LCLAT1: variants seen among roughly 807,000 people sequenced by gnomAD.
The protein encoded by LCLAT1 is 1-AGP acyltransferase 8.
A neutral mutation model predicts 30.7 loss-of-function variants in LCLAT1; 11 were observed. The ratio of observed to expected loss-of-function variants is 0.36; its 90% CI spans 0.23 to 0.59. LCLAT1 has a LOEUF of 0.59. Among genes scored for constraint, LCLAT1 ranks in the 20% least tolerant of loss-of-function variants. The pLI, the probability that LCLAT1 is intolerant of heterozygous loss-of-function variation, is 0.77. For synonymous variants in LCLAT1, 155 were observed against 151.3 expected (o/e 1.02, Z -0.18); for missense variants, 402 against 458.6 (o/e 0.88, Z 1.13).
rs1032159417 is a variant in LCLAT1, at chr2:30,461,928, G to A, written c.-5+14545G>A. ...TGGGACTACAGGCGCCCGCCACCAC[G>A]CCCGGCTAATTTTTTTGTGTTTTTT... On this transcript the variant is annotated intron_variant, in intron 1 of 5. Transcript: ENST00000379509. Among the ~76,000 whole-genome samples the A allele has an allele frequency of 4.0e-5, 6 of 151,062 alleles. No individual in the cohort carries two copies. In the East Asian group the frequency reaches 5.8e-4, roughly 15 times the overall value.
chr2:30,461,032 A>G (rs1682094987), intron 1 of LCLAT1, among the ~76,000 whole-genome samples: 1 of 152,180 alleles, frequency 6.6e-6, no homozygotes, highest in Non-Finnish European at 1.5e-5. Context: ...TGTAGCCTTT[A>G]TAATGAAACT....
intron 1 of LCLAT1, among the ~76,000 whole-genome samples, chr2:30,449,028 C>T (rs1017997117): frequency 1.3e-5 from 2 of 152,028 alleles, no homozygotes; most frequent in Non-Finnish European, 2.9e-5. Context: ...TTATATGTGC[C>T]AACTCAGTCA....
chr2:30,493,677 A>G (rs2148330778), intron 1 of LCLAT1, among the ~76,000 whole-genome samples: 1 of 152,326 alleles, frequency 6.6e-6, no homozygotes, highest in South Asian at 2.1e-4. Flanking sequence ...TTACTGCCAC[A>G]TTCTCTCCCT....
At chr2:30,582,267 T>G (rs1388729923) in intron 5 of LCLAT1, among the ~76,000 whole-genome samples, 3 of 151,892 alleles carry the variant, frequency 2.0e-5, no homozygotes, top group Non-Finnish European at 4.4e-5. Flanking sequence ...ATGAATATAT[T>G]AATGAATGTA....
intron 1 of LCLAT1, among the ~76,000 whole-genome samples, chr2:30,523,930 CTGTTTTGTTG>C (rs1558495451): frequency 6.6e-6 from 1 of 152,106 alleles, no homozygotes; most frequent in African/African-American, 2.4e-5. Flanking sequence ...GGGATTTGAC[CTGTTTTGTTG>C]TTTGTCTGTC....
intron 1 of LCLAT1, among the ~76,000 whole-genome samples, chr2:30,464,058 C>G (rs1380829219): frequency 1.3e-5 from 2 of 152,142 alleles, no homozygotes; most frequent in African/African-American, 2.4e-5. Flanking sequence ...TAAAAGGGCT[C>G]TATCAGTTGA....
At chr2:30,455,691 T>A (rs1375888993) in intron 1 of LCLAT1, among the ~76,000 whole-genome samples, 2 of 152,018 alleles carry the variant, frequency 1.3e-5, no homozygotes, top group African/African-American at 4.8e-5. Context: ...GAGGATTGCT[T>A]CATCCCAGAA....
At chr2:30,478,683 A>G (rs978669278) in intron 1 of LCLAT1, among the ~76,000 whole-genome samples, 1 of 94,692 alleles carries the variant, frequency 1.1e-5, no homozygotes, top group African/African-American at 4.9e-5. Context: ...AAATAAATAG[A>G]TAGATAGGTA....
At chr2:30,581,554 T>C (rs1206794479) in intron 5 of LCLAT1, among the ~76,000 whole-genome samples, 1 of 152,188 alleles carries the variant, frequency 6.6e-6, no homozygotes, top group African/African-American at 2.4e-5. Context: ...TGTGTAAGTA[T>C]ATACAATGGC....
Position 30,629,531 on chromosome 2 carries a change from G to A in LCLAT1, c.629-10586G>A, listed in dbSNP as rs533215321. ...GCTGAGATCGCGCCATTGCACTCCA[G>A]CCTGGGCAACAAGAGCAAAACTCCA... On this transcript the variant is annotated intron_variant, in intron 5 of 5. Coordinates refer to ENST00000379509, the MANE Select transcript of LCLAT1 (RefSeq NM_001002257.3). Among the ~76,000 whole-genome samples the A allele has an allele frequency of 5.9e-5, 9 of 152,244 alleles. No homozygotes were observed. The East Asian group carries it at 1.5e-3, about 26-fold the overall frequency.
rs192307892 is a variant in LCLAT1, at chr2:30,557,533, G to C, written c.365-4613G>C. The stretch of plus-strand genomic sequence containing the variant: ...AGGTTCAAGTGATTCTCCTGCCTCA[G>C]CCTCCTGAGAAGCTGGGATTACAGG... On this transcript the variant is annotated intron_variant, in intron 3 of 5. Coordinates refer to ENST00000379509, the MANE Select transcript of LCLAT1 (RefSeq NM_001002257.3). Among the ~76,000 whole-genome samples, 1,111 of 152,002 alleles carry C rather than the reference G, an allele frequency of 7.3e-3. 8 individuals carry two copies. Among genetic ancestry groups the C allele is most frequent in the Admixed American group, 0.015 (236 of 15,258 alleles).
intron 1 of LCLAT1, among the ~76,000 whole-genome samples, chr2:30,521,467 T>C (rs1282822909): frequency 7.1e-6 from 1 of 141,172 alleles, no homozygotes; most frequent in East Asian, 2.2e-4. Context: ...TAGAACAGTT[T>C]CCTCAACCCC....
At chr2:30,611,400 T>C (rs576887625) in intron 5 of LCLAT1, among the ~76,000 whole-genome samples, 23 of 152,232 alleles carry the variant, frequency 1.5e-4, no homozygotes, top group African/African-American at 5.5e-4. Context: ...ACACTTTCAG[T>C]TGAGGGTGAA....
intron 1 of LCLAT1, among the ~76,000 whole-genome samples, chr2:30,499,734 A>C (rs1253032542): frequency 1.3e-5 from 2 of 152,212 alleles, no homozygotes; most frequent in Non-Finnish European, 1.5e-5. Flanking sequence ...AAAAAGTTCC[A>C]TCTGTATATC....
rs956893059 is a variant in LCLAT1 at position 30,568,925 on chromosome 2, G to T, written c.628+749G>T. ...ATCACTTAAACTAACCATATGTTTG[G>T]CTCTTAGGGTTTGAGAATATATCAT... On this transcript the variant is annotated intron_variant, in intron 5 of 5. Transcript: ENST00000379509. Among the ~76,000 whole-genome samples the T allele has an allele frequency of 1.7e-4, 25 of 148,728 alleles. 1 individual carries two copies. The highest frequency in any genetic ancestry group is 2.8e-4 in the Non-Finnish European group (19 of 67,344).
intron 1 of LCLAT1, among the ~76,000 whole-genome samples, chr2:30,464,382 G>A (rs1469200258): frequency 6.6e-6 from 1 of 152,120 alleles, no homozygotes; most frequent in Non-Finnish European, 1.5e-5. Context: ...TCTTGAAATT[G>A]TGTGTCTGGA....
intron 5 of LCLAT1, among the ~76,000 whole-genome samples, chr2:30,633,002 GTATA>G (rs1235897360): frequency 6.6e-6 from 1 of 151,990 alleles, no homozygotes; most frequent in African/African-American, 2.4e-5. Flanking sequence ...AAGCTGAAAG[GTATA>G]TTATTTATTG....
chr2:30,496,436 C>T (rs896804704), intron 1 of LCLAT1, among the ~76,000 whole-genome samples: 5 of 152,168 alleles, frequency 3.3e-5, no homozygotes, highest in Non-Finnish European at 7.4e-5. Flanking sequence ...CTTCCGGGTA[C>T]TGTATAGGTG....
In LCLAT1 at chr2:30,643,757, A is replaced by AT. The variant is rs1669432304; in HGVS notation, c.*3138_*3139insT. 1 of 152,638 alleles carries AT rather than the reference A, an allele frequency of 6.6e-6. No homozygotes were observed. The highest frequency in any genetic ancestry group is 1.5e-5 in the Non-Finnish European group (1 of 68,038). The allele number at this position is 152,638 out of a possible 1,614,324, so 9.5% of individuals were successfully genotyped here. On this transcript the variant is annotated 3_prime_UTR_variant, in exon 6 of 6. Coordinates refer to ENST00000379509, the MANE Select transcript of LCLAT1 (RefSeq NM_001002257.3). ...TTCTTTATACAAATAATGTGCTTTC[A>AT]GTGCCTTAGTTACAGCTCCCTTTCT...
Sources: allele counts gnomAD v4.1 joint callset (sites outside exome capture counted in the v4.1 genomes callset), GRCh38; gene constraint gnomAD v4.1.1; transcripts MANE v1.5; gene names NCBI Gene and HGNC (gene_info 2026-07-23, HGNC 2026-07-21).